PKNOX2: variants seen among roughly 807,000 people sequenced by gnomAD.
PKNOX2 encodes the protein PBX/knotted 1 homeobox 2.
PKNOX2 carries 14 observed loss-of-function variants against 53.1 expected under a neutral mutation model. That is an observed-to-expected ratio of 0.26 (90% CI 0.17 to 0.41). The LOEUF is 0.41. Among genes scored for constraint, PKNOX2 ranks in the 10% least tolerant of loss-of-function variants. The pLI is 1.00. For synonymous variants in PKNOX2, 257 were observed against 242.8 expected, an observed-to-expected ratio of 1.06 and a Z score of -0.54; for missense variants, 496 against 602.8, an observed-to-expected ratio of 0.82 and a Z score of 1.85.
intron 2 of PKNOX2, among the ~76,000 whole-genome samples, chr11:125,246,714 A>T (rs2135642045): frequency 6.6e-6 from 1 of 152,322 alleles, no homozygotes; most frequent in African/African-American, 2.4e-5. Flanking sequence ...GGGAAATGTT[A>T]GGCATGCTTG....
At chr11:125,239,293 C>T (rs1942974626) in intron 2 of PKNOX2, among the ~76,000 whole-genome samples, 1 of 152,204 alleles carries the variant, frequency 6.6e-6, no homozygotes, top group Non-Finnish European at 1.5e-5. Flanking sequence ...AGGTATACTG[C>T]TGCAGAGGAG....
chr11:125,369,853 A>G lies in PKNOX2; in HGVS notation c.227+1868A>G, dbSNP rs73626789. On this transcript the variant is annotated intron_variant, in intron 5 of 12. Coordinates refer to ENST00000298282, the MANE Select transcript of PKNOX2 (RefSeq NM_001382323.2). ...GAAAACTGCCCGACAGCCTGATGAC[A>G]TATGCTTGTCATACTCTATTTGGAG... Among the ~76,000 whole-genome samples the G allele has an allele frequency of 9.2e-3, 1,406 of 152,294 alleles. 29 individuals are homozygous for G. Among genetic ancestry groups the G allele is most frequent in the African/African-American group, 0.032 (1,330 of 41,552 alleles).
chr11:125,389,065 C>T (rs893046875), intron 6 of PKNOX2, among the ~76,000 whole-genome samples: 3 of 152,128 alleles, frequency 2.0e-5, no homozygotes, highest in African/African-American at 4.8e-5. Flanking sequence ...TGTGGTGGTA[C>T]ATGTCTGTAA....
At chr11:125,229,782 G>T (rs1281747640) in intron 1 of PKNOX2, among the ~76,000 whole-genome samples, 1 of 152,096 alleles carries the variant, frequency 6.6e-6, no homozygotes, top group African/African-American at 2.4e-5. Context: ...GGCCAGGGGG[G>T]GCTTGCTTGT....
In PKNOX2 at chr11:125,366,566, T is replaced by G. The variant is rs1012313580; in HGVS notation, c.88-1280T>G. 3.3e-5 allele frequency among the ~76,000 whole-genome samples: 5 copies of G among 152,136 alleles called. No individual in the cohort carries two copies. In the East Asian group the frequency reaches 9.6e-4, roughly 29 times the overall value. ...TCAATAAGCACATAAATATAGAATATGATCATGGTAAGGGCTATGAAGAAA... is the reference window on the plus strand; with the variant it reads ...TCAATAAGCACATAAATATAGAATAGGATCATGGTAAGGGCTATGAAGAAA... On this transcript the variant is annotated intron_variant, in intron 4 of 12. Transcript: ENST00000298282.
At chr11:125,328,896 C>T (rs1235329549) in intron 2 of PKNOX2, among the ~76,000 whole-genome samples, 1 of 152,230 alleles carries the variant, frequency 6.6e-6, no homozygotes, top group Non-Finnish European at 1.5e-5. Flanking sequence ...AGGCATCTCT[C>T]ATACGCTGCT....
chr11:125,407,065 C>T (rs1394520809), intron 7 of PKNOX2, among the ~76,000 whole-genome samples: 2 of 151,974 alleles, frequency 1.3e-5, no homozygotes, highest in South Asian at 2.1e-4. Context: ...CCACCTAAAA[C>T]GTTGCCAGTC....
intron 1 of PKNOX2, among the ~76,000 whole-genome samples, chr11:125,206,003 A>G (rs1226260320): frequency 6.6e-6 from 1 of 152,042 alleles, no homozygotes; most frequent in Non-Finnish European, 1.5e-5. Flanking sequence ...GAAGAAAGAG[A>G]TGGCTGTGCA....
rs943915286 is a variant in PKNOX2, at chr11:125,166,723, C to G, written c.-201+1947C>G. ...TCCAGTGCCCTGATTGGAGCCGCTT[C>G]CTGTGCTTACCCGCGCCGGACTGAG... On this transcript the variant is annotated intron_variant, in intron 1 of 12. Transcript: ENST00000298282. This position sits in a 1 kb window ranked among gnomAD's most constrained non-coding sequence, Gnocchi z 4.0. Among the ~76,000 whole-genome samples the G allele has an allele frequency of 2.0e-5, 3 of 152,208 alleles. No individual in the cohort carries two copies. Among genetic ancestry groups the G allele is most frequent in the Admixed American group, 6.5e-5 (1 of 15,290 alleles).
chr11:125,400,634 A>G (rs1489033313), intron 7 of PKNOX2, among the ~76,000 whole-genome samples: 1 of 152,014 alleles, frequency 6.6e-6, no homozygotes, highest in South Asian at 2.1e-4. Flanking sequence ...CAACCCCATC[A>G]TCTCTGCACA....
At chr11:125,420,234 A>AG (rs1323168352) in intron 10 of PKNOX2, among the ~76,000 whole-genome samples, 2 of 150,402 alleles carry the variant, frequency 1.3e-5, no homozygotes, top group Non-Finnish European at 3.0e-5. Context: ...TATTTAAAAA[A>AG]AAAAAAATGG....
At chr11:125,214,627 G>A (rs985885685) in intron 1 of PKNOX2, among the ~76,000 whole-genome samples, 8 of 152,048 alleles carry the variant, frequency 5.3e-5, no homozygotes, top group African/African-American at 2.4e-5. Flanking sequence ...TGAGGTCTGC[G>A]TCCTGCTGTC....
chr11:125,291,965 T>C (rs112342876), intron 2 of PKNOX2, among the ~76,000 whole-genome samples: 14 of 152,250 alleles, frequency 9.2e-5, no homozygotes, highest in African/African-American at 3.1e-4. Context: ...TTTGGGGTGA[T>C]GGAAAAGTTT....
At chr11:125,231,719 G>C (rs1321596669) in intron 1 of PKNOX2, among the ~76,000 whole-genome samples, 2 of 151,370 alleles carry the variant, frequency 1.3e-5, no homozygotes, top group Non-Finnish European at 2.9e-5. Flanking sequence ...AGGTGTGTGT[G>C]GGGGGTGTGT....
At chr11:125,385,057 C>T (rs1246698535) in intron 5 of PKNOX2, among the ~76,000 whole-genome samples, 1 of 152,142 alleles carries the variant, frequency 6.6e-6, no homozygotes, top group Non-Finnish European at 1.5e-5. Context: ...TTCAGGCTCA[C>T]GTATGTCTCC....
At chr11:125,265,945 G>A (rs1187355361) in intron 2 of PKNOX2, among the ~76,000 whole-genome samples, 6 of 152,106 alleles carry the variant, frequency 3.9e-5, no homozygotes, top group African/African-American at 1.2e-4. Flanking sequence ...CATGACACCC[G>A]CCCATCAGGA....
chr11:125,224,066 CT>C (rs774861272), intron 1 of PKNOX2, among the ~76,000 whole-genome samples: 1 of 152,248 alleles, frequency 6.6e-6, no homozygotes, highest in East Asian at 1.9e-4. Context: ...CCCTTTGCCC[CT>C]GGACGCTGCT....
At chr11:125,391,165 G>A (rs1954028698) in intron 6 of PKNOX2, among the ~76,000 whole-genome samples, 1 of 152,164 alleles carries the variant, frequency 6.6e-6, no homozygotes, top group African/African-American at 2.4e-5. Flanking sequence ...AAACAAAGAT[G>A]CCTCCCTAAT....
intron 3 of PKNOX2, among the ~76,000 whole-genome samples, chr11:125,347,406 G>A (rs1310798595): frequency 6.6e-6 from 1 of 152,214 alleles, no homozygotes; most frequent in Non-Finnish European, 1.5e-5. Flanking sequence ...GCCATTAATG[G>A]AATGTTAATT....
Sources: gnomAD v4.1 joint callset for allele counts (sites outside exome capture counted in the v4.1 genomes callset) on GRCh38, gnomAD v4.1.1 for gene constraint, Gnocchi (gnomAD v3.1) non-coding constraint, MANE v1.5 for transcripts, NCBI Gene and HGNC (gene_info 2026-07-23, HGNC 2026-07-21) for gene names.